The following CSMD3 variants were observed in gnomAD, a reference collection of about 807,000 sequenced individuals.
The protein encoded by CSMD3 is CUB and sushi domain-containing protein 3.
CSMD3 carries 177 observed loss-of-function variants against 435.2 expected under a neutral mutation model. That is an observed-to-expected ratio of 0.41 (90% CI 0.36 to 0.46). The LOEUF is 0.46. CSMD3 is among the 20% of genes least tolerant of loss of function. The pLI is 0.34. For missense variants in CSMD3, 4,265 were observed against 4,504.6 expected, an observed-to-expected ratio of 0.95 and a Z score of 1.52; for synonymous variants, 1,656 against 1,520.5, an observed-to-expected ratio of 1.09 and a Z score of -2.07.
At chr8:112,667,376 T>G (rs2075551036) in intron 16 of CSMD3, among the ~76,000 whole-genome samples, 1 of 152,138 alleles carries the variant, frequency 6.6e-6, no homozygotes, top group African/African-American at 2.4e-5. Context: ...TACCATTTAC[T>G]CCCATATCCA....
At chr8:112,235,386 A>G (rs1346382178) in intron 67 of CSMD3, among the ~76,000 whole-genome samples, 2 of 151,796 alleles carry the variant, frequency 1.3e-5, no homozygotes, top group Non-Finnish European at 2.9e-5. Flanking sequence ...TCTGCCTCAA[A>G]AAAAACAAAA....
chr8:113,247,954 T>C (rs2093293160), intron 3 of CSMD3, among the ~76,000 whole-genome samples: 1 of 152,034 alleles, frequency 6.6e-6, no homozygotes, highest in Non-Finnish European at 1.5e-5. Context: ...ATCTTTTGCA[T>C]GTATTTGAAA....
chr8:112,251,792 T>G (rs952835841), intron 63 of CSMD3, among the ~76,000 whole-genome samples: 2 of 151,816 alleles, frequency 1.3e-5, no homozygotes, highest in Non-Finnish European at 2.9e-5. Context: ...GAGCTCAGTT[T>G]AACAAGTGAT....
chr8:112,465,809 T>A (rs1040845741), intron 32 of CSMD3, among the ~76,000 whole-genome samples: 1 of 151,962 alleles, frequency 6.6e-6, no homozygotes, highest in African/African-American at 2.4e-5. Context: ...ACCTCATCTC[T>A]ACTAAAAATA....
At chr8:112,351,152 T>C (rs756975485) in intron 40 of CSMD3, 23 bp downstream of exon 40, 5 of 1,388,716 alleles carry the variant, frequency 3.6e-6, no homozygotes, top group African/African-American at 1.4e-5. Flanking sequence ...CTAGGGTAAA[T>C]ACTTTATAGT....
intron 19 of CSMD3, among the ~76,000 whole-genome samples, chr8:112,646,455 T>C: frequency 6.6e-6 from 1 of 152,158 alleles, no homozygotes; most frequent in East Asian, 1.9e-4. Flanking sequence ...TTTCTGTATA[T>C]CAGTATTCTT....
At chr8:113,144,092 TTTA>T (rs1275629211) in intron 4 of CSMD3, among the ~76,000 whole-genome samples, 7 of 150,100 alleles carry the variant, frequency 4.7e-5, no homozygotes, top group Non-Finnish European at 7.4e-5. Context: ...TATAGTTATT[TTTA>T]TTATTATTTA....
At chr8:112,770,680 T>C (rs2078091454) in intron 13 of CSMD3, among the ~76,000 whole-genome samples, 1 of 151,978 alleles carries the variant, frequency 6.6e-6, no homozygotes, top group East Asian at 1.9e-4. Context: ...ATTTTAAGGA[T>C]CATAATGAAA....
At chr8:113,372,106 G>A (rs1685911786) in intron 1 of CSMD3, among the ~76,000 whole-genome samples, 1 of 152,024 alleles carries the variant, frequency 6.6e-6, no homozygotes, top group Non-Finnish European at 1.5e-5. Flanking sequence ...ACTCTGCAAG[G>A]CCAGGTGCAA....
intron 1 of CSMD3, among the ~76,000 whole-genome samples, chr8:113,398,109 T>C (rs537604984): frequency 2.6e-4 from 40 of 152,310 alleles, no homozygotes; most frequent in Admixed American, 2.5e-3. Flanking sequence ...AGTTGATATA[T>C]TGGAAACTCT....
At chr8:112,973,593 G>T (rs1289584923) in intron 7 of CSMD3, among the ~76,000 whole-genome samples, 2 of 151,880 alleles carry the variant, frequency 1.3e-5, no homozygotes, top group Non-Finnish European at 2.9e-5. Flanking sequence ...TTAGATGTCA[G>T]CCATTTCCAG....
At chr8:112,809,908 G>C (rs772735950) in intron 12 of CSMD3, among the ~76,000 whole-genome samples, 3 of 152,156 alleles carry the variant, frequency 2.0e-5, no homozygotes, top group Non-Finnish European at 4.4e-5. Flanking sequence ...ATTGAAGGAG[G>C]TAGCACCTGT....
Position 112,492,489 on chromosome 8 carries a change from C to T in CSMD3, c.5278G>A (p.Ala1760Thr), listed in dbSNP as rs2130851902. ...GWNRALPSCH[A>T]PCGSRSTGSE... is the part of the protein sequence containing the mutation. ...TTCAGCCAAAAAATATGTTCCTTAC[C>T]ATGACAACTTGGCAAGGCTCTATTC... is the stretch of plus-strand genomic sequence containing the variant. The change falls in exon 31 of 71, where the codon GCG (alanine) becomes ACG (threonine). Residue 1760 changes from alanine (A) to threonine (T), a missense_variant and splice_region_variant. By Grantham distance (58) the Ala-to-Thr change is moderately conservative (BLOSUM62 0). Transcript: ENST00000297405. 1 of 1,612,732 alleles carries T rather than the reference C, an allele frequency of 6.2e-7. No homozygotes were observed. The highest frequency in any genetic ancestry group is 8.5e-7 in the Non-Finnish European group (1 of 1,178,936).
intron 32 of CSMD3, among the ~76,000 whole-genome samples, chr8:112,445,960 A>G (rs1815555684): frequency 1.3e-5 from 2 of 152,264 alleles, no homozygotes; most frequent in Admixed American, 6.5e-5. Context: ...AACAGAGCAT[A>G]TATTATTAAA....
intron 2 of CSMD3, among the ~76,000 whole-genome samples, chr8:113,289,763 A>C (rs1770541170): frequency 6.6e-6 from 1 of 151,736 alleles, no homozygotes; most frequent in African/African-American, 2.4e-5. Context: ...TATATTCATT[A>C]AGGAAAAACT....
intron 40 of CSMD3, among the ~76,000 whole-genome samples, chr8:112,347,170 C>CTA (rs1223941420): frequency 1.3e-5 from 2 of 152,074 alleles, no homozygotes; most frequent in Non-Finnish European, 2.9e-5. Flanking sequence ...ATACGGTTTA[C>CTA]TATCAATAAG....
chr8:113,435,624 C>CG (rs2094701273), intron 1 of CSMD3, among the ~76,000 whole-genome samples: 1 of 151,970 alleles, frequency 6.6e-6, no homozygotes, highest in Non-Finnish European at 1.5e-5. Flanking sequence ...CCCCGCCCCC[C>CG]CGCGACACAC....
intron 3 of CSMD3, among the ~76,000 whole-genome samples, chr8:113,241,990 C>CTA (rs1415904582): frequency 2.7e-4 from 40 of 150,454 alleles, no homozygotes; most frequent in African/African-American, 7.6e-4. Context: ...GGTTTTATAT[C>CTA]TATATACATA....
intron 3 of CSMD3, among the ~76,000 whole-genome samples, chr8:113,183,576 C>G (rs1420543292): frequency 6.6e-6 from 1 of 151,968 alleles, no homozygotes; most frequent in Non-Finnish European, 1.5e-5. Context: ...ATATGAGATT[C>G]TGATAAACCT....
Sources: allele counts gnomAD v4.1 joint callset (sites outside exome capture counted in the v4.1 genomes callset), GRCh38; gene constraint gnomAD v4.1.1; transcripts MANE v1.5; gene names NCBI Gene and HGNC (gene_info 2026-07-23, HGNC 2026-07-21).